RARA: variants seen among roughly 807,000 people sequenced by gnomAD.
The protein encoded by RARA is retinoic acid receptor alpha, also known as PML-DDX5-RARA fusion.
RARA carries 5 observed loss-of-function variants against 42.8 expected under a neutral mutation model. The observed-to-expected ratio is 0.12, with a 90% confidence interval of 0.06 to 0.25. The LOEUF is 0.25. RARA is among the 10% of genes least tolerant of loss of function. The pLI is 1.00. For synonymous variants in RARA, 256 were observed against 259.5 expected, an observed-to-expected ratio of 0.99 and a Z score of 0.13; for missense variants, 402 against 628.7, an observed-to-expected ratio of 0.64 and a Z score of 3.86.
chr17:40,344,465 C>G (rs1008038598), intron 2 of RARA, among the ~76,000 whole-genome samples: 1 of 152,176 alleles, frequency 6.6e-6, no homozygotes, highest in African/African-American at 2.4e-5. Context: ...GCCACCTTCT[C>G]CAGAGGGCTG....
In RARA at chr17:40,354,570, C is replaced by A; in HGVS notation, c.1012+64C>A. 1 of 1,561,122 alleles carries A rather than the reference C, an allele frequency of 6.4e-7. No individual in the cohort carries two copies. Among genetic ancestry groups the A allele is most frequent in the Non-Finnish European group, 8.7e-7 (1 of 1,147,100 alleles). ...GGGGGTGCAGCCCTGGAGTCTCTTC[C>A]AGGGAGCTCTTTCAGGCCACCTCTG... On this transcript the variant is annotated intron_variant, in intron 7 of 8. Coordinates refer to ENST00000254066, the MANE Select transcript of RARA (RefSeq NM_000964.4). The surrounding 1 kb of genome is among the most constrained non-coding windows in gnomAD (Gnocchi z 4.5).
chr17:40,342,197 C>A (rs1273203582), intron 2 of RARA: 39 of 1,053,074 alleles, frequency 3.7e-5, no homozygotes, highest in Non-Finnish European at 4.1e-5. Flanking sequence ...GAGTCGCCAG[C>A]TGCCCCTGGC....
At position 40,356,220 on chromosome 17, in the gene RARA, C is replaced by A. The variant is rs2034623092; in HGVS notation, c.1383C>A (p.Ser461=). Residue 461 remains serine, a synonymous_variant, in exon 9 of 9, where the codon TCC becomes TCA. Coordinates refer to ENST00000254066, the MANE Select transcript of RARA (RefSeq NM_000964.4). ...SSNRSSPATH[S]P ...ACAGAAGCAGCCCGGCCACCCACTC[C>A]CCGTGACCGCCCACGCCACATGGAC... 6.5e-7 allele frequency: 1 copy of A among 1,549,724 alleles called. No individual in the cohort carries two copies. The highest frequency in any genetic ancestry group is 8.7e-7 in the Non-Finnish European group (1 of 1,146,828).
intron 2 of RARA, chr17:40,342,333 T>C: frequency 9.3e-7 from 1 of 1,072,834 alleles, no homozygotes; most frequent in Non-Finnish European, 1.1e-6. Flanking sequence ...AGCCCCGCGC[T>C]GATCCCGCCC....
At chr17:40,315,171 T>TATATATACAC (rs1247793097) in intron 1 of RARA, among the ~76,000 whole-genome samples, 2 of 76,566 alleles carry the variant, frequency 2.6e-5, no homozygotes, top group African/African-American at 5.9e-5. Context: ...TATATATATA[T>TATATATACAC]ACACACACAC....
In RARA at chr17:40,352,369, C is replaced by A; in HGVS notation, c.669C>A (p.Asp223Glu). The change falls in exon 6 of 9, where the codon GAC (aspartate) becomes GAA (glutamate). Residue 223 changes from aspartate (D) to glutamate (E), a missense_variant. Asp to Glu is a conservative substitution (Grantham distance 45). Transcript: ENST00000254066. This position sits in a 1 kb window ranked among gnomAD's most constrained non-coding sequence, Gnocchi z 4.9. The part of the protein sequence containing the change: ...SSEQRVSLDI[D>E]LWDKFSELST... The stretch of plus-strand genomic sequence containing the variant: ...AACAACGTGTCTCTCTGGACATTGA[C>A]CTCTGGGACAAGTTCAGTGAACTCT... 2 of 1,612,756 alleles carry A rather than the reference C, an allele frequency of 1.2e-6. No homozygotes were observed. Among genetic ancestry groups the A allele is most frequent in the East Asian group, 2.2e-5 (1 of 44,814 alleles).
chr17:40,326,996 G>A lies in RARA; in HGVS notation c.-362-3861G>A, dbSNP rs1436991166. Among the ~76,000 whole-genome samples, 1 of 152,210 alleles carries A rather than the reference G, an allele frequency of 6.6e-6. No individual in the cohort carries two copies. The highest frequency in any genetic ancestry group is 1.5e-5 in the Non-Finnish European group (1 of 68,030). On this transcript the variant is annotated intron_variant, in intron 1 of 8. Coordinates refer to ENST00000254066, the MANE Select transcript of RARA (RefSeq NM_000964.4). This position sits in a 1 kb window ranked among gnomAD's most constrained non-coding sequence, Gnocchi z 5.2. Reference sequence around the variant, plus strand: ...TCCTGCGGCTCAAGGCCCTCCCCAGGGAGCTGAGTAAATTTGCACTGAAAT... The same window carrying A: ...TCCTGCGGCTCAAGGCCCTCCCCAGAGAGCTGAGTAAATTTGCACTGAAAT...
chr17:40,334,762 G>A (rs900514886), intron 2 of RARA, among the ~76,000 whole-genome samples: 1 of 152,130 alleles, frequency 6.6e-6, no homozygotes, highest in Non-Finnish European at 1.5e-5. Context: ...TCCAACAAAG[G>A]TGTTGGGTCC....
rs765855422 is a variant in RARA, at chr17:40,354,532, G to A, written c.1012+26G>A. ...GTGGGCAGGGGGCCTGGGTCTGGGG[G>A]CTGGGCTGGGACGGGGGTGCAGCCC... On this transcript the variant is annotated intron_variant, in intron 7 of 8. Coordinates refer to ENST00000254066, the MANE Select transcript of RARA (RefSeq NM_000964.4). The surrounding 1 kb of genome is among the most constrained non-coding windows in gnomAD (Gnocchi z 4.5). 1 of 1,606,090 alleles carries A rather than the reference G, an allele frequency of 6.2e-7. No individual in the cohort carries two copies. The highest frequency in any genetic ancestry group is 1.7e-4 in the Middle Eastern group (1 of 5,960).
At chr17:40,346,978 C>T (rs1330315599) in intron 2 of RARA, among the ~76,000 whole-genome samples, 2 of 152,246 alleles carry the variant, frequency 1.3e-5, no homozygotes, top group Admixed American at 6.5e-5. Flanking sequence ...AGCCGCCTAG[C>T]AGCCCCCACT....
intron 1 of RARA, among the ~76,000 whole-genome samples, chr17:40,316,277 G>C (rs927658221): frequency 7.9e-5 from 12 of 152,240 alleles, no homozygotes; most frequent in African/African-American, 2.9e-4. Flanking sequence ...ATCCACACAT[G>C]GGGCTACTTC....
intron 2 of RARA, among the ~76,000 whole-genome samples, chr17:40,336,652 T>C (rs1430881994): frequency 6.6e-6 from 1 of 151,686 alleles, no homozygotes; most frequent in Non-Finnish European, 1.5e-5. Context: ...CCTCCCAAAG[T>C]GCTGGGATTA....
chr17:40,349,841 A>T lies in RARA; in HGVS notation c.385A>T (p.Asn129Tyr). ...GGTGTACACGTGTCACCGGGACAAG[A>T]ACTGCATCATCAACAAGGTGACCCG... ...NMVYTCHRDK[N>Y]CIINKVTRNR... Residue 129 changes from asparagine (N) to tyrosine (Y), a missense_variant, in exon 4 of 9, where the codon AAC (asparagine) becomes TAC (tyrosine). By Grantham distance (143) the Asn-to-Tyr change is moderately radical. This residue lies in a region of RARA where 130 missense variants were observed against 267.9 expected (regional missense o/e 0.49). Coordinates refer to ENST00000254066, the MANE Select transcript of RARA (RefSeq NM_000964.4). 1 of 1,614,222 alleles carries T rather than the reference A, an allele frequency of 6.2e-7. No homozygotes were observed.
chr17:40,342,049 C>G (rs1315538143), intron 2 of RARA: 1 of 1,054,196 alleles, frequency 9.5e-7, no homozygotes, highest in Non-Finnish European at 1.1e-6. Context: ...CCGCTGCAGC[C>G]GGACGCGCCG....
chr17:40,343,991 C>G (rs1273951755), intron 2 of RARA, among the ~76,000 whole-genome samples: 1 of 152,022 alleles, frequency 6.6e-6, no homozygotes, highest in Non-Finnish European at 1.5e-5. Context: ...TTCTTCCCCT[C>G]CTGGGCTTTG....
chr17:40,353,957 C>T (rs8073063), intron 6 of RARA, among the ~76,000 whole-genome samples: 39 of 152,320 alleles, frequency 2.6e-4, no homozygotes, highest in African/African-American at 9.4e-4. Flanking sequence ...GTCCCCTCTA[C>T]ATTCTTTGCA....
intron 2 of RARA, chr17:40,342,700 G>A (rs768416418): frequency 1.2e-6 from 2 of 1,607,828 alleles, no homozygotes; most frequent in South Asian, 1.1e-5. Flanking sequence ...CCTTCGAGGG[G>A]AAAGATGTAC....
chr17:40,340,334 T>C (rs1434947381), intron 2 of RARA, among the ~76,000 whole-genome samples: 1 of 152,184 alleles, frequency 6.6e-6, no homozygotes, highest in Non-Finnish European at 1.5e-5. Context: ...TTCCTTTGCT[T>C]GGAACCTTTC....
rs2034589436 is a variant in RARA at position 40,355,449 on chromosome 17, C to CT, written c.1171+28_1171+29insT. 2 of 1,589,314 alleles carry CT rather than the reference C, an allele frequency of 1.3e-6. No homozygotes were observed. The highest frequency in any genetic ancestry group is 1.7e-6 in the Non-Finnish European group (2 of 1,163,740). ...GAGGCTCACAGACCTGGAGGGGTAC[C>CT]GGCCCCCGACACCTGGCCCAGGCCC... On this transcript the variant is annotated intron_variant, in intron 8 of 8. Transcript: ENST00000254066. The surrounding 1 kb of genome is among the most constrained non-coding windows in gnomAD (Gnocchi z 4.1).
Sources: gnomAD v4.1 joint callset for allele counts (sites outside exome capture counted in the v4.1 genomes callset) on GRCh38, gnomAD v4.1.1 for gene constraint, gnomAD v4.1.1 regional missense constraint, Gnocchi (gnomAD v3.1) non-coding constraint, MANE v1.5 for transcripts, NCBI Gene and HGNC (gene_info 2026-07-23, HGNC 2026-07-21) for gene names.